MMP2: variants seen among roughly 807,000 people sequenced by gnomAD.
The protein encoded by MMP2 is matrix metallopeptidase 2.
MMP2 carries 39 observed loss-of-function variants against 74.8 expected under a neutral mutation model. The observed-to-expected ratio is 0.52, with a 90% confidence interval of 0.40 to 0.68. The LOEUF (loss-of-function observed/expected upper bound fraction) is 0.68, where lower values mean the gene tolerates loss of function less well. Among genes scored for constraint, MMP2 ranks in the 30% least tolerant of loss-of-function variants. The pLI is 0.00. For missense variants in MMP2, 803 were observed against 878.3 expected, an observed-to-expected ratio of 0.91 and a Z score of 1.08; for synonymous variants, 367 against 339.8, an observed-to-expected ratio of 1.08 and a Z score of -0.88.
chr16:55,495,488 A>C (rs1962510280), intron 9 of MMP2, among the ~76,000 whole-genome samples: 1 of 152,232 alleles, frequency 6.6e-6, no homozygotes, highest in Admixed American at 6.5e-5. Flanking sequence ...CATGAAGGAC[A>C]GTATTGCAGG....
chr16:55,479,586 A>G lies in MMP2; in HGVS notation c.107A>G (p.Lys36Arg), dbSNP rs751615898. The G allele has an allele frequency of 6.2e-7, 1 of 1,613,672 alleles. No individual in the cohort carries two copies. Among genetic ancestry groups the G allele is most frequent in the Non-Finnish European group, 8.5e-7 (1 of 1,179,986 alleles). The change falls in exon 1 of 13, where the codon AAG (lysine) becomes AGG (arginine). Residue 36 changes from lysine to arginine, a missense_variant. Lys to Arg is a conservative substitution (Grantham distance 26). Transcript: ENST00000219070. ...GCCGCCGCGCCGTCGCCCATCATCA[A>G]GTTCCCCGGCGATGTCGCCCCCAAA... ...HAAAAPSPII[K>R]FPGDVAPKTD...
intron 9 of MMP2, among the ~76,000 whole-genome samples, chr16:55,494,167 T>C (rs1474253579): frequency 1.3e-5 from 2 of 152,246 alleles, no homozygotes; most frequent in East Asian, 3.9e-4. Flanking sequence ...TATTCATTCA[T>C]AGAGTATAGT....
At position 55,498,418 on chromosome 16, in the gene MMP2, C is replaced by T; in HGVS notation, c.1739C>T (p.Thr580Ile). 6.2e-7 allele frequency: 1 copy of T among 1,614,240 alleles called. No homozygotes were observed. The highest frequency in any genetic ancestry group is 8.5e-7 in the Non-Finnish European group (1 of 1,180,038). ...TTTAACTGGAGCAAAAACAAGAAGACATACATCTTTGCTGGAGACAAATTC... is the reference window on the plus strand; with the variant it reads ...TTTAACTGGAGCAAAAACAAGAAGATATACATCTTTGCTGGAGACAAATTC... ...AAFNWSKNKK[T>I]YIFAGDKFWR... is the part of the protein sequence containing the mutation. Residue 580 changes from threonine (T) to isoleucine (I), a missense_variant, in exon 11 of 13, where the codon ACA (threonine) becomes ATA (isoleucine). Physicochemically the swap from Thr to Ile is moderately conservative, Grantham distance 89 (BLOSUM62 -1). Transcript: ENST00000219070.
intron 9 of MMP2, among the ~76,000 whole-genome samples, chr16:55,495,854 T>TC (rs1231321928): frequency 6.6e-6 from 1 of 152,158 alleles, no homozygotes; most frequent in African/African-American, 2.4e-5. Context: ...TACCTCATGG[T>TC]CACAAGAAGG....
intron 3 of MMP2, among the ~76,000 whole-genome samples, chr16:55,484,631 T>C (rs1483315976): frequency 6.6e-6 from 1 of 152,206 alleles, no homozygotes; most frequent in African/African-American, 2.4e-5. Flanking sequence ...TGGTAGACAC[T>C]GAGGAACTGT....
chr16:55,503,263 G>T (rs1177018899), intron 12 of MMP2, among the ~76,000 whole-genome samples: 1 of 152,208 alleles, frequency 6.6e-6, no homozygotes, highest in African/African-American at 2.4e-5. Context: ...TTAGCAGAAG[G>T]ATGGCTCCAT....
At chr16:55,494,778 C>T (rs1241446684) in intron 9 of MMP2, among the ~76,000 whole-genome samples, 4 of 152,196 alleles carry the variant, frequency 2.6e-5, no homozygotes, top group Non-Finnish European at 5.9e-5. Flanking sequence ...GAAAAGTGAT[C>T]GCAGAGGTGT....
chr16:55,479,308 G>A lies in MMP2; in HGVS notation c.-172G>A, dbSNP rs1184429538. On this transcript the variant is annotated 5_prime_UTR_variant, in exon 1 of 13. Coordinates refer to ENST00000219070, the MANE Select transcript of MMP2 (RefSeq NM_004530.6). ...GGCGGCGGCGGCGGCGGGGGCTGGGGCGCGGGGGCCGGACCATGAGCCGCT... is the reference window on the plus strand; with the variant it reads ...GGCGGCGGCGGCGGCGGGGGCTGGGACGCGGGGGCCGGACCATGAGCCGCT... 4 of 683,698 alleles carry A rather than the reference G, an allele frequency of 5.9e-6. No individual in the cohort carries two copies. Among genetic ancestry groups the A allele is most frequent in the Non-Finnish European group, 8.1e-6 (4 of 496,722 alleles). 42.4% of individuals were successfully genotyped at this position (683,698 alleles called of 1,614,324 possible). A position where few individuals can be genotyped will look rare whatever the true frequency, so the allele number is the denominator to read the frequency against.
chr16:55,501,294 CA>C (rs1456035433), intron 11 of MMP2, among the ~76,000 whole-genome samples: 3 of 152,236 alleles, frequency 2.0e-5, no homozygotes, highest in Non-Finnish European at 4.4e-5. Context: ...TCTGACACCA[CA>C]GTGCTTGTAT....
In MMP2 at chr16:55,491,947, G is replaced by A. The variant is rs757828574; in HGVS notation, c.1327G>A (p.Glu443Lys). The A allele has an allele frequency of 3.2e-6, 5 of 1,585,356 alleles. No individual in the cohort carries two copies. The East Asian group carries it at 1.2e-4, about 37-fold the overall frequency. The change falls in exon 8 of 13, where the codon GAG becomes AAG. Residue 443 changes from glutamate to lysine, a missense_variant. Around this residue, in one of 3 missense-constraint regions of MMP2, gnomAD observed 555 missense variants for 592.0 expected, o/e 0.94. Transcript: ENST00000219070. The part of the protein sequence containing the change: ...LSQDDIKGIQ[E>K]LYGASPDIDL... Reference sequence around the variant, plus strand: ...CCAGGATGACATCAAGGGCATTCAGGAGCTCTATGGTAAACCTCCGGGCGG... The same window carrying A: ...CCAGGATGACATCAAGGGCATTCAGAAGCTCTATGGTAAACCTCCGGGCGG...
At chr16:55,490,271 A>G (rs1348734831) in intron 7 of MMP2, among the ~76,000 whole-genome samples, 1 of 152,204 alleles carries the variant, frequency 6.6e-6, no homozygotes, top group Non-Finnish European at 1.5e-5. Flanking sequence ...GCAGTAGAAG[A>G]AAGGAAAAAA....
chr16:55,497,785 A>G (rs1439426497), intron 10 of MMP2, among the ~76,000 whole-genome samples: 1 of 152,162 alleles, frequency 6.6e-6, no homozygotes, highest in Admixed American at 6.5e-5. Context: ...ATGCTCACAA[A>G]CCACTCAGGG....
At chr16:55,482,742 G>A (rs755584856) in intron 1 of MMP2, among the ~76,000 whole-genome samples, 167 bp from the exon 2 acceptor site, 4 of 152,172 alleles carry the variant, frequency 2.6e-5, no homozygotes, top group South Asian at 2.1e-4. Context: ...ATGGGTGACC[G>A]TGCTGGTTTG....
chr16:55,483,576 G>A (rs1962162828), intron 2 of MMP2, among the ~76,000 whole-genome samples: 1 of 152,182 alleles, frequency 6.6e-6, no homozygotes, highest in Non-Finnish European at 1.5e-5. Flanking sequence ...CAGCCCAATT[G>A]GGTTATAACT....
chr16:55,497,006 A>C lies in MMP2; in HGVS notation c.1553A>C (p.Glu518Ala). The C allele has an allele frequency of 6.2e-7, 1 of 1,614,134 alleles. No homozygotes were observed. Among genetic ancestry groups the C allele is most frequent in the Non-Finnish European group, 8.5e-7 (1 of 1,180,020 alleles). ...LVATFWPELP[E>A]KIDAVYEAPQ... ...GCCACATTCTGGCCTGAGCTCCCGGAAAAGATTGATGCGGTATACGAGGCC... is the reference window on the plus strand; with the variant it reads ...GCCACATTCTGGCCTGAGCTCCCGGCAAAGATTGATGCGGTATACGAGGCC... The change falls in exon 10 of 13, where the codon GAA (glutamate) becomes GCA (alanine). Residue 518 changes from glutamate (E) to alanine (A), a missense_variant. Glu to Ala is a moderately radical substitution (Grantham distance 107). Coordinates refer to ENST00000219070, the MANE Select transcript of MMP2 (RefSeq NM_004530.6).
At position 55,489,754 on chromosome 16, in the gene MMP2, C is replaced by A. The variant is rs544673695; in HGVS notation, c.1110C>A (p.Asp370Glu). The A allele has an allele frequency of 2.5e-6, 4 of 1,614,028 alleles. No individual in the cohort carries two copies. The Admixed American group carries it at 5.0e-5, about 20-fold the overall frequency. ...GCTGCACCAGCGCCGGCCGCAGTGACGGAAAGATGTGGTGTGCGACCACAG... is the reference window on the plus strand; with the variant it reads ...GCTGCACCAGCGCCGGCCGCAGTGAAGGAAAGATGTGGTGTGCGACCACAG... ...YESCTSAGRSDGKMWCATTAN... is the reference protein window; with the variant it reads ...YESCTSAGRSEGKMWCATTAN... The change falls in exon 7 of 13, where the codon GAC becomes GAA. Residue 370 changes from aspartate (D) to glutamate (E), a missense_variant. Transcript: ENST00000219070.
Position 55,485,723 on chromosome 16 carries a change from T to TC in MMP2, c.780dup (p.Thr261HisfsTer6). 1.2e-6 allele frequency: 2 copies of TC among 1,614,128 alleles called. No individual in the cohort carries two copies. The highest frequency in any genetic ancestry group is 1.7e-6 in the Non-Finnish European group (2 of 1,180,012). ...CCGCAGCGATGGCTTCCTCTGGTGC[T>TC]CCACCACCTACAACTTTGAGAAGGA... On this transcript the variant is annotated frameshift_variant, in exon 5 of 13. Transcript: ENST00000219070. LOFTEE classifies it high-confidence loss of function.
rs558907007 is a variant in MMP2 at position 55,484,244 on chromosome 16, G to A, written c.529+80G>A. The A allele has an allele frequency of 1.2e-4, 179 of 1,519,490 alleles. 1 individual carries two copies. Among genetic ancestry groups the A allele is most frequent in the South Asian group, 3.9e-4 (33 of 85,076 alleles). 94.1% of individuals were successfully genotyped at this position (1,519,490 alleles called of 1,614,324 possible). On this transcript the variant is annotated intron_variant, in intron 3 of 12. Coordinates refer to ENST00000219070, the MANE Select transcript of MMP2 (RefSeq NM_004530.6). Reference sequence around the variant, plus strand: ...GGGGTGAGATGGACATTAGAGGGGCGTGGGGATCCTAAGGGCGGCTTAGAT... The same window carrying A: ...GGGGTGAGATGGACATTAGAGGGGCATGGGGATCCTAAGGGCGGCTTAGAT...
At position 55,485,366 on chromosome 16, in the gene MMP2, TG is replaced by T. The variant is rs1354869730; in HGVS notation, c.599del (p.Gly200ValfsTer24). The part of the protein sequence containing the change: ...LLAHAFAPGT[G>X]VGGDSHFDDD... ...TGGCTCATGCCTTCGCCCCAGGCAC[TG>T]GTGTTGGGGGAGACTCCCATTTTGA... On this transcript the variant is annotated frameshift_variant, in exon 4 of 13. Transcript: ENST00000219070. LOFTEE classifies it high-confidence loss of function. 7 of 1,614,042 alleles carry T rather than the reference TG, an allele frequency of 4.3e-6. No individual in the cohort carries two copies. Among genetic ancestry groups the T allele is most frequent in the Non-Finnish European group, 5.1e-6 (6 of 1,179,986 alleles).
Sources: allele counts gnomAD v4.1 joint callset (sites outside exome capture counted in the v4.1 genomes callset), GRCh38; gene constraint gnomAD v4.1.1; regional missense constraint gnomAD v4.1.1; transcripts MANE v1.5; gene names NCBI Gene and HGNC (gene_info 2026-07-23, HGNC 2026-07-21).